VWC2L: variants seen among roughly 807,000 people sequenced by gnomAD.
VWC2L encodes von Willebrand factor C domain containing 2 like, also known as von Willebrand factor C domain-containing protein 2-like.
Under a neutral mutation model 21.6 loss-of-function variants are expected in VWC2L, and 10 were observed. The ratio of observed to expected loss-of-function variants is 0.46; its 90% CI spans 0.29 to 0.78. The LOEUF (loss-of-function observed/expected upper bound fraction) is 0.78. Ranked by LOEUF, VWC2L falls within the 30% of genes least tolerant of loss-of-function variation. VWC2L has a pLI of 0.10. For missense variants in VWC2L, 209 were observed against 277.1 expected, an observed-to-expected ratio of 0.75 and a Z score of 1.74; for synonymous variants, 96 against 94.3, an observed-to-expected ratio of 1.02 and a Z score of -0.10.
In VWC2L at chr2:214,575,691, A is replaced by T. The variant is rs16852050; in HGVS notation, c.540A>T (p.Gly180=). Residue 180 remains glycine, a synonymous_variant, in exon 4 of 4, where the codon GGA becomes GGT. Coordinates refer to ENST00000312504, the MANE Select transcript of VWC2L (RefSeq NM_001080500.4). Reference sequence around the variant, plus strand: ...TTTCAGGTCCAAACTGCTTTGCAGGAACGACGATAATTCCAGCTGGCATTG... The same window carrying T: ...TTTCAGGTCCAAACTGCTTTGCAGGTACGACGATAATTCCAGCTGGCATTG... ...VCKNGPNCFA[G]TTIIPAGIEV... 3.2e-3 allele frequency: 5,228 copies of T among 1,613,382 alleles called. 137 individuals are homozygous for T. In the African/African-American group the frequency reaches 0.06, roughly 19 times the overall value.
At chr2:214,533,747 G>A (rs1689480074) in intron 3 of VWC2L, among the ~76,000 whole-genome samples, 1 of 152,008 alleles carries the variant, frequency 6.6e-6, no homozygotes, top group Admixed American at 6.6e-5. Context: ...TCAGTCAACC[G>A]AATAAAGAAA....
chr2:214,464,439 T>C (rs755816456), intron 3 of VWC2L, among the ~76,000 whole-genome samples: 1 of 152,024 alleles, frequency 6.6e-6, no homozygotes, highest in Non-Finnish European at 1.5e-5. Context: ...ACTGGGAGAA[T>C]TTCCTGGATT....
intron 3 of VWC2L, among the ~76,000 whole-genome samples, chr2:214,542,885 GTTCA>G (rs2105921655): frequency 6.6e-6 from 1 of 152,182 alleles, no homozygotes; most frequent in East Asian, 1.9e-4. Context: ...CCAAATTAGG[GTTCA>G]TTCATTCAAG....
At chr2:214,568,020 GC>G (rs1246679928) in intron 3 of VWC2L, among the ~76,000 whole-genome samples, 1 of 152,148 alleles carries the variant, frequency 6.6e-6, no homozygotes, top group Admixed American at 6.6e-5. Flanking sequence ...GTAAATATTA[GC>G]ACATAAATTC....
intron 3 of VWC2L, among the ~76,000 whole-genome samples, chr2:214,518,734 T>G (rs1485616976): frequency 2.6e-5 from 4 of 152,188 alleles, no homozygotes; most frequent in Non-Finnish European, 5.9e-5. Context: ...TCTTAAAGCC[T>G]TACCTGAAAC....
chr2:214,578,061 A>G lies in VWC2L; in HGVS notation c.*2241A>G, dbSNP rs1467670197. 1.3e-5 allele frequency: 2 copies of G among 152,186 alleles called. No individual in the cohort carries two copies. Among genetic ancestry groups the G allele is most frequent in the Non-Finnish European group, 2.9e-5 (2 of 68,038 alleles). The allele number at this position is 152,186 out of a possible 1,614,324, so 9.4% of individuals were successfully genotyped here. A position where few individuals can be genotyped will look rare whatever the true frequency, so the allele number is the denominator to read the frequency against. ...CACTTTAGCTTATGTCTAGACAGAG[A>G]TGTATTATAGAGCTTTCTTTGCCCC... On this transcript the variant is annotated 3_prime_UTR_variant, in exon 4 of 4. Transcript: ENST00000312504.
At chr2:214,491,835 C>G (rs1688749484) in intron 3 of VWC2L, among the ~76,000 whole-genome samples, 1 of 152,124 alleles carries the variant, frequency 6.6e-6, no homozygotes, top group African/African-American at 2.4e-5. Flanking sequence ...AATTACTTCT[C>G]AATTACTGTA....
intron 3 of VWC2L, among the ~76,000 whole-genome samples, chr2:214,566,259 C>T (rs145846132): frequency 2.6e-5 from 4 of 152,282 alleles, no homozygotes; most frequent in Non-Finnish European, 2.9e-5. Flanking sequence ...AGCTGGCAAA[C>T]GTAGGACCCG....
chr2:214,552,746 AT>A (rs922032065), intron 3 of VWC2L, among the ~76,000 whole-genome samples: 15 of 152,262 alleles, frequency 9.9e-5, no homozygotes, highest in African/African-American at 3.6e-4. Flanking sequence ...ACTTTCATGA[AT>A]TCAATCACTA....
At position 214,575,034 on chromosome 2, in the gene VWC2L, T is replaced by TAA. The variant is rs3046806; in HGVS notation, c.521-617_521-616dup. Reference sequence around the variant, plus strand: ...AAGCCCACTATTTTGGGTCATTCTTTAAAAAAAAAAAAAAAAAAAAAAGAG... The same window carrying TAA: ...AAGCCCACTATTTTGGGTCATTCTTTAAAAAAAAAAAAAAAAAAAAAAAAGAG... On this transcript the variant is annotated intron_variant, in intron 3 of 3. Coordinates refer to ENST00000312504, the MANE Select transcript of VWC2L (RefSeq NM_001080500.4). Among the ~76,000 whole-genome samples the TAA allele has an allele frequency of 8.3e-3, 982 of 118,358 alleles. 13 individuals are homozygous for TAA. Among genetic ancestry groups the TAA allele is most frequent in the African/African-American group, 0.028 (917 of 32,278 alleles). 77.6% of individuals were successfully genotyped at this position (118,358 alleles called of 152,430 possible). A position where few individuals can be genotyped will look rare whatever the true frequency, so the allele number is the denominator to read the frequency against.
At chr2:214,441,460 G>A (rs910148459) in intron 3 of VWC2L, among the ~76,000 whole-genome samples, 1 of 152,014 alleles carries the variant, frequency 6.6e-6, no homozygotes, top group Non-Finnish European at 1.5e-5. Flanking sequence ...AAAACAATGG[G>A]ATGTCAATTT....
chr2:214,500,375 C>G (rs1368679316), intron 3 of VWC2L, among the ~76,000 whole-genome samples: 7 of 152,166 alleles, frequency 4.6e-5, no homozygotes, highest in African/African-American at 1.7e-4. Flanking sequence ...GGTACAAGGG[C>G]TCTATGGTAT....
intron 3 of VWC2L, among the ~76,000 whole-genome samples, chr2:214,569,126 G>A (rs1377436457): frequency 6.6e-6 from 1 of 152,300 alleles, no homozygotes; most frequent in Non-Finnish European, 1.5e-5. Context: ...ATGCCTCAAA[G>A]CAAAGGAGAA....
At chr2:214,571,076 A>G (rs1690142686) in intron 3 of VWC2L, among the ~76,000 whole-genome samples, 1 of 152,198 alleles carries the variant, frequency 6.6e-6, no homozygotes, top group Non-Finnish European at 1.5e-5. Context: ...AGTAAACCTG[A>G]TAAAGACCTA....
chr2:214,561,047 G>A (rs1230395549), intron 3 of VWC2L, among the ~76,000 whole-genome samples: 1 of 152,138 alleles, frequency 6.6e-6, no homozygotes, highest in African/African-American at 2.4e-5. Flanking sequence ...CAATGTTAGG[G>A]TTTTCATCCA....
At chr2:214,557,948 T>G (rs1410164248) in intron 3 of VWC2L, among the ~76,000 whole-genome samples, 1 of 152,226 alleles carries the variant, frequency 6.6e-6, no homozygotes, top group Non-Finnish European at 1.5e-5. Context: ...CTCTTACAGC[T>G]ACTGAACTCT....
chr2:214,568,509 G>C (rs758231006), intron 3 of VWC2L, among the ~76,000 whole-genome samples: 2 of 152,200 alleles, frequency 1.3e-5, no homozygotes, highest in African/African-American at 2.4e-5. Context: ...GTTCCACATG[G>C]CTGGGGAGGC....
At chr2:214,496,347 A>G (rs1688813504) in intron 3 of VWC2L, among the ~76,000 whole-genome samples, 1 of 146,746 alleles carries the variant, frequency 6.8e-6, no homozygotes. Context: ...CTGCAAGCAT[A>G]TGAAACATCT....
At chr2:214,539,529 A>G (rs547229109) in intron 3 of VWC2L, among the ~76,000 whole-genome samples, 1 of 152,296 alleles carries the variant, frequency 6.6e-6, no homozygotes, top group East Asian at 1.9e-4. Flanking sequence ...ATTCTGAACC[A>G]CTAAACTGAG....
Sources: allele counts gnomAD v4.1 joint callset (sites outside exome capture counted in the v4.1 genomes callset), GRCh38; gene constraint gnomAD v4.1.1; transcripts MANE v1.5; gene names NCBI Gene and HGNC (gene_info 2026-07-23, HGNC 2026-07-21).